CTNNA3: variants seen among roughly 807,000 people sequenced by gnomAD.
CTNNA3 encodes the protein catenin alpha 3.
Under a neutral mutation model 95.7 loss-of-function variants are expected in CTNNA3, and 76 were observed. That is an observed-to-expected ratio of 0.79 (90% CI 0.66 to 0.96). The LOEUF (loss-of-function observed/expected upper bound fraction) is 0.96. Among genes scored for constraint, CTNNA3 ranks in the 40% least tolerant of loss-of-function variants. The pLI, the probability that CTNNA3 is intolerant of heterozygous loss-of-function variation, is 0.00. For missense variants in CTNNA3, 1,191 were observed against 1,089.8 expected (o/e 1.09, Z -1.31); for synonymous variants, 431 against 374.4 (o/e 1.15, Z -1.74).
intron 5 of CTNNA3, among the ~76,000 whole-genome samples, chr10:67,242,070 G>T (rs565737485): frequency 5.3e-5 from 8 of 152,048 alleles, no homozygotes; most frequent in Non-Finnish European, 1.0e-4. Context: ...GCCCATCTGC[G>T]GTGACCCAAT....
At chr10:66,633,578 G>A (rs1845228611) in intron 9 of CTNNA3, among the ~76,000 whole-genome samples, 1 of 152,012 alleles carries the variant, frequency 6.6e-6, no homozygotes, top group African/African-American at 2.4e-5. Context: ...TACTTGGGAG[G>A]CTAAGGCAGG....
At chr10:66,694,327 C>G (rs540322059) in intron 9 of CTNNA3, among the ~76,000 whole-genome samples, 2 of 152,090 alleles carry the variant, frequency 1.3e-5, no homozygotes, top group East Asian at 3.9e-4. Context: ...GAGAATACTA[C>G]AAACACCTCT....
At chr10:67,489,795 T>C (rs968491165) in intron 5 of CTNNA3, among the ~76,000 whole-genome samples, 4 of 148,920 alleles carry the variant, frequency 2.7e-5, no homozygotes, top group African/African-American at 9.9e-5. Flanking sequence ...ATTTTATATA[T>C]ATATATATAT....
intron 5 of CTNNA3, among the ~76,000 whole-genome samples, chr10:67,373,132 C>T (rs1843546223): frequency 1.3e-5 from 2 of 152,114 alleles, no homozygotes; most frequent in East Asian, 3.9e-4. Flanking sequence ...CAATATTAAC[C>T]TTAAATGTAA....
intron 7 of CTNNA3, among the ~76,000 whole-genome samples, chr10:67,161,708 T>C (rs1379905820): frequency 1.3e-5 from 2 of 152,054 alleles, no homozygotes; most frequent in African/African-American, 4.8e-5. Flanking sequence ...TTAATATACA[T>C]GGTCTAAATA....
chr10:66,434,499 C>A lies in CTNNA3; in HGVS notation c.1532-55147G>T, dbSNP rs1423240536. Among the ~76,000 whole-genome samples, 3 of 152,092 alleles carry A rather than the reference C, an allele frequency of 2.0e-5. No individual in the cohort carries two copies. The East Asian group carries it at 5.8e-4, about 29-fold the overall frequency. Reference sequence around the variant, plus strand: ...AGATTTTTGCACATTGATTTTGTATCCTGAGACTCTGCTGAAGTTGCTTAT... The same window carrying A: ...AGATTTTTGCACATTGATTTTGTATACTGAGACTCTGCTGAAGTTGCTTAT... On this transcript the variant is annotated intron_variant, in intron 11 of 17. Transcript: ENST00000433211.
At chr10:67,239,600 A>C (rs1865640030) in intron 5 of CTNNA3, among the ~76,000 whole-genome samples, 1 of 152,120 alleles carries the variant, frequency 6.6e-6, no homozygotes, top group Non-Finnish European at 1.5e-5. Context: ...AATTCATTGA[A>C]CTGTTTATTT....
chr10:67,228,963 C>G (rs759872205), intron 5 of CTNNA3, among the ~76,000 whole-genome samples: 12 of 152,238 alleles, frequency 7.9e-5, no homozygotes, highest in Non-Finnish European at 1.6e-4. Flanking sequence ...CCCTAATTCA[C>G]TCTATGAAGC....
intron 3 of CTNNA3, among the ~76,000 whole-genome samples, chr10:67,596,347 G>A (rs955772275): frequency 5.3e-5 from 8 of 152,096 alleles, no homozygotes; most frequent in South Asian, 4.1e-4. Context: ...ATCAGACCTT[G>A]GTGATGACCT....
intron 13 of CTNNA3, among the ~76,000 whole-genome samples, chr10:66,279,507 G>T (rs780598741): frequency 6.6e-6 from 1 of 151,992 alleles, no homozygotes; most frequent in African/African-American, 2.4e-5. Flanking sequence ...ACCTCTGAGG[G>T]TAGCTTTTCA....
At chr10:66,196,783 G>C (rs1403916284) in intron 13 of CTNNA3, among the ~76,000 whole-genome samples, 1 of 152,114 alleles carries the variant, frequency 6.6e-6, no homozygotes, top group African/African-American at 2.4e-5. Flanking sequence ...GCCATACCAG[G>C]AAGCCCATTA....
At chr10:66,873,784 G>A (rs974198138) in intron 7 of CTNNA3, among the ~76,000 whole-genome samples, 14 of 152,066 alleles carry the variant, frequency 9.2e-5, no homozygotes, top group African/African-American at 2.7e-4. Flanking sequence ...AGAGTTAAAC[G>A]TAAGACTTCA....
intron 7 of CTNNA3, among the ~76,000 whole-genome samples, chr10:66,972,132 A>G (rs1381821426): frequency 1.3e-5 from 2 of 152,132 alleles, no homozygotes; most frequent in East Asian, 3.9e-4. Context: ...TTATGATAGA[A>G]TATCGCCTTC....
At chr10:66,322,478 G>A (rs2092202526) in intron 12 of CTNNA3, among the ~76,000 whole-genome samples, 1 of 152,072 alleles carries the variant, frequency 6.6e-6, no homozygotes, top group Admixed American at 6.5e-5. Context: ...AGTTGGAGGA[G>A]GTGAGGCAGC....
At chr10:66,138,900 G>T (rs532118584) in intron 13 of CTNNA3, among the ~76,000 whole-genome samples, 1 of 152,248 alleles carries the variant, frequency 6.6e-6, no homozygotes, top group East Asian at 1.9e-4. Context: ...GATTGACAAT[G>T]ATCAAACATC....
At chr10:67,200,536 G>T (rs1188384223) in intron 6 of CTNNA3, among the ~76,000 whole-genome samples, 1 of 152,094 alleles carries the variant, frequency 6.6e-6, no homozygotes, top group African/African-American at 2.4e-5. Flanking sequence ...ATTGTAGCCT[G>T]CCTGAATGAG....
At chr10:66,365,958 G>GA (rs1279774652) in intron 12 of CTNNA3, among the ~76,000 whole-genome samples, 1 of 152,138 alleles carries the variant, frequency 6.6e-6, no homozygotes, top group Non-Finnish European at 1.5e-5. Flanking sequence ...CCAACAGTGT[G>GA]AATACAACCT....
At chr10:66,627,840 G>A (rs779001551) in intron 9 of CTNNA3, among the ~76,000 whole-genome samples, 1 of 152,108 alleles carries the variant, frequency 6.6e-6, no homozygotes, top group Non-Finnish European at 1.5e-5. Flanking sequence ...TCTAATTCTT[G>A]AAGAAAATAA....
At chr10:66,377,202 C>T (rs1401021231) in intron 12 of CTNNA3, among the ~76,000 whole-genome samples, 1 of 151,966 alleles carries the variant, frequency 6.6e-6, no homozygotes, top group Non-Finnish European at 1.5e-5. Flanking sequence ...ATTGGGACAT[C>T]ATAAACTATA....
Sources: allele counts gnomAD v4.1 joint callset (sites outside exome capture counted in the v4.1 genomes callset), GRCh38; gene constraint gnomAD v4.1.1; transcripts MANE v1.5; gene names NCBI Gene and HGNC (gene_info 2026-07-23, HGNC 2026-07-21).